Variants in WDFY2 observed in about 807,000 individuals in gnomAD.
WDFY2 encodes WD repeat and FYVE domain containing 2, also known as WD repeat and FYVE domain-containing protein 2.
In WDFY2, 36 loss-of-function variants were observed where a neutral mutation model predicts 56.4. The observed-to-expected ratio is 0.64, with a 90% CI of 0.49 to 0.84. The LOEUF is 0.84. WDFY2 is among the 40% of genes least tolerant of loss of function. WDFY2 has a pLI of 0.00. For synonymous variants in WDFY2, 176 were observed against 183.7 expected (o/e 0.96, Z 0.34); for missense variants, 444 against 512.2 (o/e 0.87, Z 1.29).
At chr13:51,611,972 A>G (rs1369596427) in intron 1 of WDFY2, among the ~76,000 whole-genome samples, 1 of 152,164 alleles carries the variant, frequency 6.6e-6, no homozygotes, top group African/African-American at 2.4e-5. Flanking sequence ...TATGGCAGAA[A>G]AGAAATATGG....
At chr13:51,693,847 C>T (rs974118891) in intron 3 of WDFY2, among the ~76,000 whole-genome samples, 1 of 152,082 alleles carries the variant, frequency 6.6e-6, no homozygotes, top group African/African-American at 2.4e-5. Flanking sequence ...TCAGGACTTG[C>T]TTTATGAATC....
intron 1 of WDFY2, among the ~76,000 whole-genome samples, chr13:51,632,870 A>C (rs1185808523): frequency 2.0e-5 from 3 of 152,098 alleles, no homozygotes; most frequent in Admixed American, 6.6e-5. Context: ...AGTAGGTCTA[A>C]TTTGTTCATT....
chr13:51,584,519 C>G lies in WDFY2; in HGVS notation c.-169C>G. The G allele has an allele frequency of 1.1e-6, 1 of 900,222 alleles. No individual in the cohort carries two copies. Among genetic ancestry groups the G allele is most frequent in the East Asian group, 2.8e-5 (1 of 35,640 alleles). 55.8% of individuals were successfully genotyped at this position (900,222 alleles called of 1,614,324 possible). A position where few individuals can be genotyped will look rare whatever the true frequency, so the allele number is the denominator to read the frequency against. On this transcript the variant is annotated 5_prime_UTR_variant, in exon 1 of 12. Coordinates refer to ENST00000298125, the MANE Select transcript of WDFY2 (RefSeq NM_052950.4). Reference sequence around the variant, plus strand: ...CGGTTTTGGTGCCTGAAGCAGGGAGCGCGGAGTCGTTCCCGAGAGAGGCGG... The same window carrying G: ...CGGTTTTGGTGCCTGAAGCAGGGAGGGCGGAGTCGTTCCCGAGAGAGGCGG...
In WDFY2 at chr13:51,755,558, A is replaced by C. The variant is rs1593481775; in HGVS notation, c.933+99A>C. 18 of 1,157,498 alleles carry C rather than the reference A, an allele frequency of 1.6e-5. 1 individual carries two copies. The highest frequency in any genetic ancestry group is 6.1e-5 in the African/African-American group (4 of 65,204). 71.7% of individuals were successfully genotyped at this position (1,157,498 alleles called of 1,614,324 possible). A position where few individuals can be genotyped will look rare whatever the true frequency, so the allele number is the denominator to read the frequency against. On this transcript the variant is annotated intron_variant, in intron 9 of 11. Transcript: ENST00000298125. ...ACACCCCTGGGTGGGAGTTGTGGTG[A>C]GGGTAAATTATTATCCTGGAGTCAC...
intron 7 of WDFY2, among the ~76,000 whole-genome samples, chr13:51,745,277 T>A (rs1953068406): frequency 6.6e-6 from 1 of 152,152 alleles, no homozygotes; most frequent in African/African-American, 2.4e-5. Context: ...AATTGGCTTT[T>A]AAAAAAATGA....
At chr13:51,693,171 G>T (rs1008581003) in intron 3 of WDFY2, among the ~76,000 whole-genome samples, 1 of 151,984 alleles carries the variant, frequency 6.6e-6, no homozygotes, top group African/African-American at 2.4e-5. Context: ...ATTTTTTGAA[G>T]GTTTTTTTGT....
chr13:51,656,869 T>C (rs1955518358), intron 1 of WDFY2, among the ~76,000 whole-genome samples: 1 of 152,038 alleles, frequency 6.6e-6, no homozygotes, highest in Non-Finnish European at 1.5e-5. Context: ...TTTGTGTCTT[T>C]GGGTTTAAAG....
chr13:51,620,465 T>G (rs1272123052), intron 1 of WDFY2, among the ~76,000 whole-genome samples: 1 of 152,048 alleles, frequency 6.6e-6, no homozygotes, highest in African/African-American at 2.4e-5. Flanking sequence ...CATGGCATGA[T>G]TCCCCTCTGG....
At chr13:51,691,072 G>A (rs1432730231) in intron 3 of WDFY2, among the ~76,000 whole-genome samples, 9 of 152,236 alleles carry the variant, frequency 5.9e-5, no homozygotes, top group Non-Finnish European at 1.3e-4. Context: ...ATTTGTTTGA[G>A]TTCATTGTAG....
In WDFY2 at chr13:51,675,164, T is replaced by A; in HGVS notation, c.206-6T>A. 4 of 1,613,736 alleles carry A rather than the reference T, an allele frequency of 2.5e-6. No homozygotes were observed. Among genetic ancestry groups the A allele is most frequent in the Non-Finnish European group, 3.4e-6 (4 of 1,179,736 alleles). On this transcript the variant is annotated splice_region_variant and splice_polypyrimidine_tract_variant and intron_variant, in intron 2 of 11. Transcript: ENST00000298125. The stretch of plus-strand genomic sequence containing the variant: ...TTAATTTCATCAACATGTTCATTTC[T>A]TTCAGCTCCATGTTCATGCATGTCT...
intron 7 of WDFY2, among the ~76,000 whole-genome samples, chr13:51,740,972 A>ATCAC (rs1259606353): frequency 1.3e-5 from 2 of 152,270 alleles, no homozygotes; most frequent in African/African-American, 4.8e-5. Context: ...TAACACCAGC[A>ATCAC]TCACTGTGTG....
chr13:51,654,345 G>T (rs141594973), intron 1 of WDFY2, among the ~76,000 whole-genome samples: 5 of 152,292 alleles, frequency 3.3e-5, no homozygotes, highest in African/African-American at 1.2e-4. Flanking sequence ...GACCCCTTGT[G>T]CTTCCCGGGT....
At chr13:51,655,738 C>G (rs974058996) in intron 1 of WDFY2, among the ~76,000 whole-genome samples, 1 of 152,042 alleles carries the variant, frequency 6.6e-6, no homozygotes, top group African/African-American at 2.4e-5. Context: ...GATTGTTGTT[C>G]ATTCTCCTTT....
rs1459659515 is a variant in WDFY2, at chr13:51,718,568, AC to A, written c.335-629del. Among the ~76,000 whole-genome samples, 3 of 144,126 alleles carry A rather than the reference AC, an allele frequency of 2.1e-5. No homozygotes were observed. The South Asian group carries it at 6.5e-4, about 31-fold the overall frequency. The allele number at this position is 144,126 out of a possible 152,430, so 94.6% of individuals were successfully genotyped here. ...CTCTTATTATCATTCATACACACACACACACACACACACACACACACACACA... is the reference window on the plus strand; with the variant it reads ...CTCTTATTATCATTCATACACACACAACACACACACACACACACACACACA... On this transcript the variant is annotated intron_variant, in intron 4 of 11. Transcript: ENST00000298125.
At chr13:51,604,246 C>T (rs1282536754) in intron 1 of WDFY2, among the ~76,000 whole-genome samples, 1 of 152,134 alleles carries the variant, frequency 6.6e-6, no homozygotes, top group African/African-American at 2.4e-5. Flanking sequence ...AGGTTTCCAA[C>T]TAGAAAAGAC....
intron 5 of WDFY2, among the ~76,000 whole-genome samples, chr13:51,727,373 CTTAT>C (rs1391672386): frequency 6.6e-6 from 1 of 151,994 alleles, no homozygotes; most frequent in Non-Finnish European, 1.5e-5. Context: ...GCTCTTTTTG[CTTAT>C]TTATTTTTCC....
At chr13:51,689,783 AT>A (rs1259371232) in intron 3 of WDFY2, among the ~76,000 whole-genome samples, 1 of 152,194 alleles carries the variant, frequency 6.6e-6, no homozygotes, top group Non-Finnish European at 1.5e-5. Flanking sequence ...AACAAGAATA[AT>A]CTTTGAACTC....
chr13:51,709,726 C>A (rs1254117663), intron 4 of WDFY2, among the ~76,000 whole-genome samples: 2 of 152,160 alleles, frequency 1.3e-5, no homozygotes, highest in African/African-American at 2.4e-5. Context: ...CCTCCCAAGA[C>A]TAAACTAGGA....
At position 51,764,689 on chromosome 13, in the gene WDFY2, GTTTC is replaced by G. The variant is rs1953692093; in HGVS notation, c.*4924_*4927del. 6.6e-6 allele frequency: 1 copy of G among 152,232 alleles called. No individual in the cohort carries two copies. Among genetic ancestry groups the G allele is most frequent in the African/African-American group, 2.4e-5 (1 of 41,462 alleles). 9.4% of individuals were successfully genotyped at this position (152,232 alleles called of 1,614,324 possible). A position where few individuals can be genotyped will look rare whatever the true frequency, so the allele number is the denominator to read the frequency against. On this transcript the variant is annotated 3_prime_UTR_variant, in exon 12 of 12. Coordinates refer to ENST00000298125, the MANE Select transcript of WDFY2 (RefSeq NM_052950.4). ...ATTAGTTTATATTATAATAGTATCA[GTTTC>G]TTTTTCTTTGGAAATCCCTAGAACT...
Sources: gnomAD v4.1 joint callset for allele counts (sites outside exome capture counted in the v4.1 genomes callset) on GRCh38, gnomAD v4.1.1 for gene constraint, MANE v1.5 for transcripts, NCBI Gene and HGNC (gene_info 2026-07-23, HGNC 2026-07-21) for gene names.